WRN: variants seen among roughly 807,000 people sequenced by gnomAD.
WRN encodes bifunctional 3'-5' exonuclease/ATP-dependent helicase WRN.
In WRN, 149 loss-of-function variants were observed where a neutral mutation model predicts 180.7. The observed-to-expected ratio is 0.82, with a 90% CI of 0.72 to 0.94. The LOEUF (loss-of-function observed/expected upper bound fraction) is 0.94, where lower values mean the gene tolerates loss of function less well. Ranked by LOEUF, WRN falls within the 40% of genes least tolerant of loss-of-function variation. WRN has a pLI of 0.00. For missense variants in WRN, 1,661 were observed against 1,700.1 expected (o/e 0.98, Z 0.40); for synonymous variants, 548 against 568.9 (o/e 0.96, Z 0.52).
At chr8:31,076,050 T>A (rs1443449045) in intron 7 of WRN, 123 bp from the exon 8 acceptor site, 1 of 800,600 alleles carries the variant, frequency 1.2e-6, no homozygotes, top group East Asian at 2.6e-5. Flanking sequence ...GAAGGTCTTT[T>A]TGTTGGAATT....
chr8:31,062,671 C>G (rs900151043), intron 3 of WRN, among the ~76,000 whole-genome samples: 1 of 151,960 alleles, frequency 6.6e-6, no homozygotes, highest in African/African-American at 2.4e-5. Context: ...CCTTGGCCCC[C>G]CAAAGTGCTG....
At position 31,155,495 on chromosome 8, in the gene WRN, G is replaced by A. The variant is rs1266869799; in HGVS notation, c.3819+740G>A. Among the ~76,000 whole-genome samples, 3 of 151,954 alleles carry A rather than the reference G, an allele frequency of 2.0e-5. No individual in the cohort carries two copies. In the East Asian group the frequency reaches 5.8e-4, roughly 29 times the overall value. On this transcript the variant is annotated intron_variant, in intron 32 of 34. Transcript: ENST00000298139. ...AAATTAGCTGGGCGTAGTGACGCAT[G>A]CCTGTAATCCCAGATACTTGGGAGG...
intron 1 of WRN, among the ~76,000 whole-genome samples, chr8:31,050,060 C>T (rs1585393047): frequency 6.6e-6 from 1 of 151,922 alleles, no homozygotes; most frequent in Admixed American, 6.6e-5. Context: ...ACTAAGTGAC[C>T]AAGTGTCAAA....
At chr8:31,106,356 A>C (rs556888330) in intron 18 of WRN, among the ~76,000 whole-genome samples, 11 of 152,112 alleles carry the variant, frequency 7.2e-5, no homozygotes, top group Admixed American at 3.3e-4. Context: ...TCTTCGGCTC[A>C]GAACCATCTA....
At position 31,174,795 on chromosome 8, in the gene WRN, CCCTTCCTT is replaced by C. The variant is rs376850933; in HGVS notation, c.*1713_*1720del. On this transcript the variant is annotated 3_prime_UTR_variant, in exon 35 of 35. Transcript: ENST00000298139. ...CTCTTTCCTTCCTTCCCTTCCCTTC[CCCTTCCTT>C]CCTTCCTTCCTTCCTTCCTCCCTCC... Among the ~76,000 whole-genome samples the C allele has an allele frequency of 2.7e-5, 2 of 74,558 alleles. No homozygotes were observed. Among genetic ancestry groups the C allele is most frequent in the African/African-American group, 4.3e-5 (1 of 23,018 alleles). The allele number at this position is 74,558 out of a possible 152,430, so 48.9% of individuals were successfully genotyped here.
intron 33 of WRN, among the ~76,000 whole-genome samples, chr8:31,163,217 A>G (rs1803706095): frequency 6.6e-6 from 1 of 152,250 alleles, no homozygotes; most frequent in South Asian, 2.1e-4. Flanking sequence ...GGGAAATGGT[A>G]AAGAAAAATT....
intron 33 of WRN, among the ~76,000 whole-genome samples, chr8:31,162,127 T>C (rs1446479638): frequency 6.6e-6 from 1 of 151,658 alleles, no homozygotes; most frequent in Non-Finnish European, 1.5e-5. Context: ...AAATTAACCT[T>C]AGCTTACTGT....
chr8:31,070,961 G>A (rs751317760), intron 7 of WRN, among the ~76,000 whole-genome samples: 3 of 151,234 alleles, frequency 2.0e-5, no homozygotes, highest in South Asian at 4.2e-4. Flanking sequence ...CAGGAGAATC[G>A]CTTTAATCTG....
Position 31,120,286 on chromosome 8 carries a change from CT to C in WRN, c.2493del (p.Asp832ThrfsTer44), listed in dbSNP as rs1196551244. 6.2e-7 allele frequency: 1 copy of C among 1,612,962 alleles called. No individual in the cohort carries two copies. Among genetic ancestry groups the C allele is most frequent in the Non-Finnish European group, 8.5e-7 (1 of 1,179,160 alleles). On this transcript the variant is annotated frameshift_variant, in exon 21 of 35. Transcript: ENST00000298139. LOFTEE classifies it high-confidence loss of function. ...GCTTTTGGAATGGGCATTAATAAAG[CT>C]GACATTCGCCAAGTCATTCATTACG... ...TIAFGMGINK[A>X]DIRQVIHYGA... is the part of the protein sequence containing the mutation.
At chr8:31,123,362 G>A (rs1160393583) in intron 21 of WRN, among the ~76,000 whole-genome samples, 2 of 152,004 alleles carry the variant, frequency 1.3e-5, no homozygotes, top group African/African-American at 4.8e-5. Context: ...GGATTTGGTT[G>A]GTACTATTCT....
intron 32 of WRN, among the ~76,000 whole-genome samples, chr8:31,155,568 G>A (rs1166703147): frequency 1.3e-5 from 2 of 149,624 alleles, no homozygotes; most frequent in East Asian, 2.0e-4. Flanking sequence ...GTTGCAGTGA[G>A]CTGAGATTGC....
chr8:31,123,182 T>C (rs1021712143), intron 21 of WRN, among the ~76,000 whole-genome samples: 8 of 152,040 alleles, frequency 5.3e-5, no homozygotes, highest in Admixed American at 6.6e-5. Flanking sequence ...TGCATTCACG[T>C]TGTATTTACT....
chr8:31,050,572 A>C (rs1017246856), intron 1 of WRN, among the ~76,000 whole-genome samples: 1 of 149,622 alleles, frequency 6.7e-6, no homozygotes, highest in African/African-American at 2.5e-5. Flanking sequence ...TTTTCAGTCC[A>C]GATTTCTTTC....
chr8:31,077,331 C>T (rs998053685), intron 8 of WRN, among the ~76,000 whole-genome samples: 2 of 152,118 alleles, frequency 1.3e-5, no homozygotes, highest in Non-Finnish European at 2.9e-5. Context: ...AGCTCCGCCT[C>T]CCGGGTTCAC....
chr8:31,102,568 A>G (rs1269593471), intron 18 of WRN, among the ~76,000 whole-genome samples: 2 of 152,226 alleles, frequency 1.3e-5, no homozygotes, highest in Admixed American at 6.5e-5. Context: ...TTGTAATACA[A>G]TGGTAAGTAT....
At chr8:31,054,700 G>A (rs1374114322) in intron 1 of WRN, among the ~76,000 whole-genome samples, 2 of 152,168 alleles carry the variant, frequency 1.3e-5, no homozygotes, top group Non-Finnish European at 2.9e-5. Context: ...AAGGTACAAT[G>A]TGAAGCATTA....
chr8:31,074,277 T>C (rs1475393952), intron 7 of WRN, among the ~76,000 whole-genome samples: 6 of 152,030 alleles, frequency 3.9e-5, no homozygotes, highest in Non-Finnish European at 8.8e-5. Context: ...GGTAAAAGCT[T>C]AGTTGCAGTT....
At chr8:31,075,593 G>T (rs1231337390) in intron 7 of WRN, among the ~76,000 whole-genome samples, 1 of 151,918 alleles carries the variant, frequency 6.6e-6, no homozygotes, top group African/African-American at 2.4e-5. Flanking sequence ...GGTGGCACAT[G>T]CCTGTAGTCC....
At chr8:31,122,017 A>T (rs909580499) in intron 21 of WRN, among the ~76,000 whole-genome samples, 3 of 151,984 alleles carry the variant, frequency 2.0e-5, no homozygotes, top group Non-Finnish European at 1.5e-5. Flanking sequence ...TGAGGACATT[A>T]ATATCCAGTT....
Sources: gnomAD v4.1 joint callset for allele counts (sites outside exome capture counted in the v4.1 genomes callset) on GRCh38, gnomAD v4.1.1 for gene constraint, MANE v1.5 for transcripts, NCBI Gene and HGNC (gene_info 2026-07-23, HGNC 2026-07-21) for gene names.